ARHGAP44: variants seen among roughly 807,000 people sequenced by gnomAD.
ARHGAP44 encodes Rho GTPase activating protein 44, also known as rho GTPase-activating protein 44.
A neutral mutation model predicts 106.8 loss-of-function variants in ARHGAP44; 43 were observed. That is an observed-to-expected ratio of 0.40 (90% CI 0.32 to 0.52). The LOEUF (loss-of-function observed/expected upper bound fraction) is 0.52. Ranked by LOEUF, ARHGAP44 falls within the 20% of genes least tolerant of loss-of-function variation. The probability of loss-of-function intolerance (pLI) is 0.48; values close to 1 mark genes in which losing one functional copy is unlikely to be tolerated. For missense variants in ARHGAP44, 866 were observed against 1,050.5 expected (o/e 0.82, Z 2.43); for synonymous variants, 439 against 410.3 (o/e 1.07, Z -0.85).
intron 4 of ARHGAP44, among the ~76,000 whole-genome samples, chr17:12,914,788 C>A: frequency 7.3e-6 from 1 of 137,796 alleles, no homozygotes. Flanking sequence ...AAGAGTGAAA[C>A]TCCATCTCAA....
chr17:12,988,006 A>T (rs2040002333), intron 20 of ARHGAP44: 1 of 152,220 alleles, frequency 6.6e-6, no homozygotes, highest in Non-Finnish European at 1.5e-5. Context: ...ATGGTCCTGC[A>T]GAGACTACCG....
chr17:12,849,142 G>A (rs980648707), intron 1 of ARHGAP44, among the ~76,000 whole-genome samples: 2 of 151,904 alleles, frequency 1.3e-5, no homozygotes, highest in African/African-American at 4.8e-5. Context: ...CATTCAAAAT[G>A]TATCCATTAT....
Position 12,934,919 on chromosome 17 carries a change from A to G in ARHGAP44, c.582+5873A>G, listed in dbSNP as rs375131048. Among the ~76,000 whole-genome samples, 229 of 152,314 alleles carry G rather than the reference A, an allele frequency of 1.5e-3. 10 individuals are homozygous for G. In the South Asian group the frequency reaches 0.04, roughly 27 times the overall value. On this transcript the variant is annotated intron_variant, in intron 7 of 20. Transcript: ENST00000379672. The stretch of plus-strand genomic sequence containing the variant: ...CAGCCAGATCATTTACCTAACATGG[A>G]GGACAGAAGACATCATGTACAAAGA...
chr17:12,876,337 T>C (rs923812087), intron 1 of ARHGAP44, among the ~76,000 whole-genome samples: 1 of 152,208 alleles, frequency 6.6e-6, no homozygotes, highest in Non-Finnish European at 1.5e-5. Flanking sequence ...CCTCACTCCC[T>C]CTGCCTCTTG....
At chr17:12,984,253 G>A (rs771352152) in intron 19 of ARHGAP44, among the ~76,000 whole-genome samples, 12 of 152,102 alleles carry the variant, frequency 7.9e-5, no homozygotes, top group Non-Finnish European at 1.6e-4. Context: ...CTGGGTGTGC[G>A]TGTGTAGATC....
At chr17:12,952,288 T>C (rs2039009234) in intron 12 of ARHGAP44, among the ~76,000 whole-genome samples, 1 of 152,026 alleles carries the variant, frequency 6.6e-6, no homozygotes, top group African/African-American at 2.4e-5. Context: ...GCCTCTGAGG[T>C]GTGTGGAGGA....
At chr17:12,838,704 C>G (rs796476149) in intron 1 of ARHGAP44, among the ~76,000 whole-genome samples, 2 of 152,238 alleles carry the variant, frequency 1.3e-5, no homozygotes, top group African/African-American at 4.8e-5. Flanking sequence ...GAGTTTCACT[C>G]TTGCTGCCCC....
chr17:12,907,183 G>A (rs958642045), intron 3 of ARHGAP44, among the ~76,000 whole-genome samples: 7 of 152,178 alleles, frequency 4.6e-5, no homozygotes, highest in East Asian at 3.9e-4. Context: ...TTGTAGCTAC[G>A]TAGACTGGAA....
At position 12,917,793 on chromosome 17, in the gene ARHGAP44, A is replaced by G. The variant is rs529369663; in HGVS notation, c.387+1782A>G. Among the ~76,000 whole-genome samples, 42 of 152,106 alleles carry G rather than the reference A, an allele frequency of 2.8e-4. No individual in the cohort carries two copies. The South Asian group carries it at 4.0e-3, about 14-fold the overall frequency. On this transcript the variant is annotated intron_variant, in intron 5 of 20. Coordinates refer to ENST00000379672, the MANE Select transcript of ARHGAP44 (RefSeq NM_014859.6). Reference sequence around the variant, plus strand: ...TTTTGAGCACCAGTGCGATTCAGGAACTCAATTTTTTAGTTTCTTTAATTT... The same window carrying G: ...TTTTGAGCACCAGTGCGATTCAGGAGCTCAATTTTTTAGTTTCTTTAATTT...
chr17:12,808,206 T>C (rs558442099), intron 1 of ARHGAP44, among the ~76,000 whole-genome samples: 3 of 152,340 alleles, frequency 2.0e-5, no homozygotes, highest in African/African-American at 7.2e-5. Flanking sequence ...TGGGCTAGCA[T>C]TGAGTGCAGC....
rs58661356 is a variant in ARHGAP44 at position 12,849,048 on chromosome 17, C to CAAA, written c.54-45878_54-45876dup. Among the ~76,000 whole-genome samples the CAAA allele has an allele frequency of 9.8e-4, 108 of 110,120 alleles. 1 individual carries two copies. Among genetic ancestry groups the CAAA allele is most frequent in the African/African-American group, 2.9e-3 (102 of 35,446 alleles). 72.2% of individuals were successfully genotyped at this position (110,120 alleles called of 152,430 possible). A position where few individuals can be genotyped will look rare whatever the true frequency, so the allele number is the denominator to read the frequency against. On this transcript the variant is annotated intron_variant, in intron 1 of 20. Coordinates refer to ENST00000379672, the MANE Select transcript of ARHGAP44 (RefSeq NM_014859.6). ...GGGCAACAAGAGCAAAACTCCATCT[C>CAAA]AAAAAAAAAAAAAAAAGTTGACTAG...
chr17:12,909,880 A>G (rs1011970056), intron 4 of ARHGAP44, among the ~76,000 whole-genome samples: 12 of 152,376 alleles, frequency 7.9e-5, no homozygotes, highest in African/African-American at 2.9e-4. Flanking sequence ...ATCCCTGGAC[A>G]TATTGTAGTA....
At chr17:12,944,988 C>T (rs916905884) in intron 10 of ARHGAP44, among the ~76,000 whole-genome samples, 110 of 151,986 alleles carry the variant, frequency 7.2e-4, no homozygotes, top group Non-Finnish European at 2.8e-4. Context: ...TTAAGAGCCA[C>T]ATGTAAAAAA....
At chr17:12,852,794 G>A (rs982804963) in intron 1 of ARHGAP44, among the ~76,000 whole-genome samples, 1 of 152,040 alleles carries the variant, frequency 6.6e-6, no homozygotes, top group Non-Finnish European at 1.5e-5. Flanking sequence ...GCCCACCTCG[G>A]CTTCCCAAAG....
chr17:12,827,339 G>A (rs536762288), intron 1 of ARHGAP44, among the ~76,000 whole-genome samples: 14 of 151,988 alleles, frequency 9.2e-5, no homozygotes, highest in African/African-American at 3.1e-4. Context: ...AGTCTAATGC[G>A]TCTAATTGCT....
At chr17:12,914,169 G>A (rs1159112184) in intron 4 of ARHGAP44, among the ~76,000 whole-genome samples, 1 of 152,076 alleles carries the variant, frequency 6.6e-6, no homozygotes, top group African/African-American at 2.4e-5. Context: ...GCACTTCATG[G>A]GAGAGGGATA....
chr17:12,807,922 C>T (rs1043927315), intron 1 of ARHGAP44, among the ~76,000 whole-genome samples: 6 of 152,242 alleles, frequency 3.9e-5, no homozygotes, highest in African/African-American at 1.4e-4. Context: ...AAGTTAGTTA[C>T]TTCCCAGATA....
chr17:12,825,189 A>G (rs538155974), intron 1 of ARHGAP44, among the ~76,000 whole-genome samples: 17 of 151,960 alleles, frequency 1.1e-4, no homozygotes, highest in African/African-American at 4.1e-4. Context: ...GGCACATGCT[A>G]CCATGCCCAG....
rs1426113649 is a variant in ARHGAP44 at position 12,944,130 on chromosome 17, C to A, written c.795C>A (p.Gly265=). The A allele has an allele frequency of 6.2e-7, 1 of 1,612,910 alleles. No homozygotes were observed. Residue 265 remains glycine, a synonymous_variant, in exon 10 of 21, where the codon GGC becomes GGA. Coordinates refer to ENST00000379672, the MANE Select transcript of ARHGAP44 (RefSeq NM_014859.6). ...TGGAGGAGCACCTCACCATCAGCGG[C>A]CGGGAGATCGCCTTCCCCATCGAGG... ...KPLEEHLTIS[G]REIAFPIEAC...
Sources: gnomAD v4.1 joint callset for allele counts (sites outside exome capture counted in the v4.1 genomes callset) on GRCh38, gnomAD v4.1.1 for gene constraint, MANE v1.5 for transcripts, NCBI Gene and HGNC (gene_info 2026-07-23, HGNC 2026-07-21) for gene names.